MCTP1: variants seen among roughly 807,000 people sequenced by gnomAD.
The protein encoded by MCTP1 is multiple C2 and transmembrane domain-containing protein 1.
Under a neutral mutation model 120.6 loss-of-function variants are expected in MCTP1, and 69 were observed. The ratio of observed to expected loss-of-function variants is 0.57; its 90% CI spans 0.47 to 0.70. The LOEUF (loss-of-function observed/expected upper bound fraction) is 0.70. Among genes scored for constraint, MCTP1 ranks in the 30% least tolerant of loss-of-function variants. The pLI, the probability that MCTP1 is intolerant of heterozygous loss-of-function variation, is 0.00. For missense variants in MCTP1, 1,203 were observed against 1,248.8 expected (o/e 0.96, Z 0.55); for synonymous variants, 529 against 493.1 (o/e 1.07, Z -0.96).
At chr5:94,856,047 C>T (rs1794670673) in intron 17 of MCTP1, among the ~76,000 whole-genome samples, 1 of 151,648 alleles carries the variant, frequency 6.6e-6, no homozygotes. Context: ...AGGAACTGTA[C>T]ACTAAGAATA....
At chr5:95,071,253 C>T (rs1328565727) in intron 1 of MCTP1, among the ~76,000 whole-genome samples, 3 of 152,158 alleles carry the variant, frequency 2.0e-5, no homozygotes, top group Admixed American at 1.3e-4. Flanking sequence ...AGCCCAAGAG[C>T]GTCTGTCTGA....
chr5:95,161,213 C>G (rs994409078), intron 1 of MCTP1, among the ~76,000 whole-genome samples: 1 of 152,082 alleles, frequency 6.6e-6, no homozygotes, highest in South Asian at 2.1e-4. Context: ...ATCAGATGCA[C>G]GGATAAAGGA....
chr5:95,155,005 A>G (rs766076460), intron 1 of MCTP1, among the ~76,000 whole-genome samples: 1 of 152,162 alleles, frequency 6.6e-6, no homozygotes. Flanking sequence ...AGCTAATTAT[A>G]AGCCTGTATA....
chr5:94,846,694 G>A (rs948501875), intron 17 of MCTP1, among the ~76,000 whole-genome samples: 9 of 152,036 alleles, frequency 5.9e-5, no homozygotes, highest in Non-Finnish European at 1.0e-4. Flanking sequence ...TTGGATTTGA[G>A]TCACCATGCC....
Position 94,710,687 on chromosome 5 carries a change from G to A in MCTP1, c.2830+131C>T, listed in dbSNP as rs78018661. On this transcript the variant is annotated intron_variant, in intron 21 of 22. Coordinates refer to ENST00000515393, the MANE Select transcript of MCTP1 (RefSeq NM_024717.7). ...TACTGTTGTGATTTTTAACCAACCT[G>A]TCTCTTTTCATCATGGAGTAGCTTC... The A allele has an allele frequency of 8.0e-3, 4,832 of 607,656 alleles. 185 individuals carry two copies. The African/African-American group carries it at 0.083, about 10-fold the overall frequency. The allele number at this position is 607,656 out of a possible 1,614,324, so 37.6% of individuals were successfully genotyped here. A position where few individuals can be genotyped will look rare whatever the true frequency, so the allele number is the denominator to read the frequency against.
At chr5:94,753,779 A>T (rs1241844403) in intron 19 of MCTP1, among the ~76,000 whole-genome samples, 1 of 152,216 alleles carries the variant, frequency 6.6e-6, no homozygotes, top group Non-Finnish European at 1.5e-5. Context: ...AAGGGCCTGG[A>T]TCTTCACAAA....
At chr5:94,720,769 A>G (rs968407453) in intron 19 of MCTP1, among the ~76,000 whole-genome samples, 2 of 152,366 alleles carry the variant, frequency 1.3e-5, no homozygotes, top group South Asian at 4.1e-4. Context: ...TAGAAGAAAT[A>G]AATGAACTGG....
At chr5:95,280,086 CAA>C (rs1279561524) in intron 1 of MCTP1, among the ~76,000 whole-genome samples, 2 of 152,090 alleles carry the variant, frequency 1.3e-5, no homozygotes, top group African/African-American at 4.8e-5. Context: ...AAAATCAACC[CAA>C]GTCATGTTTT....
At chr5:95,030,924 A>C (rs192663357) in intron 1 of MCTP1, among the ~76,000 whole-genome samples, 99 of 152,284 alleles carry the variant, frequency 6.5e-4, no homozygotes, top group African/African-American at 2.4e-3. Context: ...AGCCAGAAAA[A>C]CAATTCAGGA....
chr5:94,714,494 T>C (rs1758363465), intron 20 of MCTP1, among the ~76,000 whole-genome samples: 1 of 152,164 alleles, frequency 6.6e-6, no homozygotes, highest in East Asian at 1.9e-4. Flanking sequence ...AACAAAGTCT[T>C]TCACAGTGAA....
At chr5:95,015,956 GA>G (rs1837027534) in intron 2 of MCTP1, among the ~76,000 whole-genome samples, 1 of 151,990 alleles carries the variant, frequency 6.6e-6, no homozygotes, top group Non-Finnish European at 1.5e-5. Flanking sequence ...AGAGTACTTT[GA>G]AAACTAAAAA....
intron 19 of MCTP1, among the ~76,000 whole-genome samples, chr5:94,724,358 A>C (rs1465941396): frequency 6.7e-6 from 1 of 149,720 alleles, no homozygotes; most frequent in Non-Finnish European, 1.5e-5. Context: ...CAATCCTCCC[A>C]CTTCAGCCTC....
At chr5:95,206,066 C>A (rs1038328221) in intron 1 of MCTP1, among the ~76,000 whole-genome samples, 6 of 151,984 alleles carry the variant, frequency 3.9e-5, no homozygotes, top group African/African-American at 1.5e-4. Flanking sequence ...AACACATGTA[C>A]AAATGAACAC....
chr5:95,013,924 T>C (rs1469536201), intron 2 of MCTP1, among the ~76,000 whole-genome samples: 1 of 151,924 alleles, frequency 6.6e-6, no homozygotes, highest in Admixed American at 6.6e-5. Context: ...ACAAAGCAAA[T>C]TGCAAACCTT....
intron 1 of MCTP1, among the ~76,000 whole-genome samples, chr5:95,240,063 T>A (rs778497768): frequency 6.6e-6 from 1 of 152,104 alleles, no homozygotes; most frequent in Non-Finnish European, 1.5e-5. Flanking sequence ...TAAACTTTTA[T>A]AATATATATT....
chr5:95,044,656 T>C (rs1312282368), intron 1 of MCTP1, among the ~76,000 whole-genome samples: 1 of 152,038 alleles, frequency 6.6e-6, no homozygotes, highest in Non-Finnish European at 1.5e-5. Flanking sequence ...CCTCTGTCCT[T>C]TAACCCAGGC....
chr5:95,250,337 T>C (rs1757263069), intron 1 of MCTP1, among the ~76,000 whole-genome samples: 1 of 152,272 alleles, frequency 6.6e-6, no homozygotes, highest in East Asian at 1.9e-4. Flanking sequence ...AACATGAATG[T>C]GAAGCTCATA....
intron 1 of MCTP1, among the ~76,000 whole-genome samples, chr5:95,254,625 G>A (rs1206312846): frequency 3.3e-5 from 5 of 152,112 alleles, no homozygotes; most frequent in African/African-American, 1.2e-4. Flanking sequence ...ATGAAATGTA[G>A]ACATGGATAC....
intron 20 of MCTP1, 44 bp from the exon 21 acceptor site, chr5:94,710,971 T>A (rs778171291): frequency 7.8e-7 from 1 of 1,284,654 alleles, no homozygotes; most frequent in South Asian, 1.2e-5. Flanking sequence ...TACTTCATAC[T>A]TTTTTCAAAT....
Sources: allele counts gnomAD v4.1 joint callset (sites outside exome capture counted in the v4.1 genomes callset), GRCh38; gene constraint gnomAD v4.1.1; transcripts MANE v1.5; gene names NCBI Gene and HGNC (gene_info 2026-07-23, HGNC 2026-07-21).